NLGN1: variants seen among roughly 807,000 people sequenced by gnomAD.
The protein encoded by NLGN1 is neuroligin 1, also known as neuroligin-1.
NLGN1 carries 12 observed loss-of-function variants against 65.5 expected under a neutral mutation model. The observed-to-expected ratio is 0.18, with a 90% CI of 0.12 to 0.30. The LOEUF is 0.30. Among genes scored for constraint, NLGN1 ranks in the 10% least tolerant of loss-of-function variants. NLGN1 has a pLI of 1.00. For missense variants in NLGN1, 750 were observed against 1,007.1 expected (o/e 0.74, Z 3.46); for synonymous variants, 350 against 359.5 (o/e 0.97, Z 0.30).
At chr3:173,771,276 G>T (rs771922311) in intron 3 of NLGN1, among the ~76,000 whole-genome samples, 1 of 152,124 alleles carries the variant, frequency 6.6e-6, no homozygotes, top group Non-Finnish European at 1.5e-5. Context: ...TGCATAGTAG[G>T]TTCTTTCAAA....
rs146358048 is a variant in NLGN1 at position 174,001,338 on chromosome 3, G to GA, written c.646+193517dup. ...GAGTTAGAAACAGATTTTTTTCTTT[G>GA]AAAAAAAAAAATCAGAAAATTGGGA... On this transcript the variant is annotated intron_variant, in intron 4 of 6. Coordinates refer to ENST00000457714, the Ensembl canonical transcript of NLGN1. Among the ~76,000 whole-genome samples the GA allele has an allele frequency of 4.2e-3, 612 of 144,392 alleles. 4 individuals are homozygous for GA. The highest frequency in any genetic ancestry group is 9.7e-3 in the African/African-American group (385 of 39,500). 94.7% of individuals were successfully genotyped at this position (144,392 alleles called of 152,430 possible). A position where few individuals can be genotyped will look rare whatever the true frequency, so the allele number is the denominator to read the frequency against.
chr3:173,576,626 C>T (rs1745542042), intron 2 of NLGN1, among the ~76,000 whole-genome samples: 1 of 152,080 alleles, frequency 6.6e-6, no homozygotes, highest in Non-Finnish European at 1.5e-5. Context: ...GACCCCTGAA[C>T]CCTCTGCCTT....
intron 2 of NLGN1, among the ~76,000 whole-genome samples, chr3:173,561,021 T>C (rs1463517080): frequency 6.6e-6 from 1 of 152,180 alleles, no homozygotes; most frequent in African/African-American, 2.4e-5. Context: ...GCGGGGTTTG[T>C]ATTGTTTGTT....
chr3:174,080,005 A>T (rs1741816515), intron 4 of NLGN1, among the ~76,000 whole-genome samples: 1 of 152,168 alleles, frequency 6.6e-6, no homozygotes, highest in African/African-American at 2.4e-5. Flanking sequence ...TTATCTATGT[A>T]ACAAACCTGC....
intron 4 of NLGN1, among the ~76,000 whole-genome samples, chr3:174,114,691 G>A (rs1382582617): frequency 6.6e-6 from 1 of 151,840 alleles, no homozygotes; most frequent in African/African-American, 2.4e-5. Context: ...TTTATCTAAC[G>A]CTGCATAGTT....
intron 3 of NLGN1, among the ~76,000 whole-genome samples, chr3:173,658,521 A>C (rs1462878837): frequency 6.6e-6 from 1 of 152,022 alleles, no homozygotes; most frequent in Non-Finnish European, 1.5e-5. Flanking sequence ...CTGTAAAATT[A>C]ATTTGGAAAT....
At chr3:173,847,178 T>C (rs1461067385) in intron 4 of NLGN1, among the ~76,000 whole-genome samples, 2 of 152,170 alleles carry the variant, frequency 1.3e-5, no homozygotes, top group Non-Finnish European at 2.9e-5. Flanking sequence ...TGATGAACTT[T>C]CCAGACAGTT....
intron 2 of NLGN1, among the ~76,000 whole-genome samples, chr3:173,468,056 C>T (rs1429533940): frequency 1.3e-5 from 2 of 152,132 alleles, no homozygotes; most frequent in Non-Finnish European, 1.5e-5. Flanking sequence ...CAAACACATA[C>T]TATACTGGTT....
intron 4 of NLGN1, among the ~76,000 whole-genome samples, chr3:174,103,811 G>A (rs1713111513): frequency 6.6e-6 from 1 of 151,904 alleles, no homozygotes; most frequent in Admixed American, 6.6e-5. Context: ...TCTATAAATA[G>A]AGTCTAAACT....
At chr3:173,764,862 T>C (rs1778514748) in intron 3 of NLGN1, among the ~76,000 whole-genome samples, 1 of 152,172 alleles carries the variant, frequency 6.6e-6, no homozygotes, top group South Asian at 2.1e-4. Context: ...CTTATTACTT[T>C]GTCAGTGTAC....
chr3:173,539,641 T>TA (rs1553879350), intron 2 of NLGN1, among the ~76,000 whole-genome samples: 142 of 58,226 alleles, frequency 2.4e-3, no homozygotes, highest in African/African-American at 6.3e-3. Context: ...TACACATATA[T>TA]ACATATATAA....
intron 2 of NLGN1, among the ~76,000 whole-genome samples, chr3:173,520,762 G>C (rs976161711): frequency 2.0e-5 from 3 of 152,204 alleles, no homozygotes; most frequent in African/African-American, 7.2e-5. Flanking sequence ...AAACAGAAGA[G>C]ATGGTTTTAG....
intron 3 of NLGN1, among the ~76,000 whole-genome samples, chr3:173,752,436 C>T (rs142747587): frequency 1.3e-5 from 2 of 152,152 alleles, no homozygotes; most frequent in African/African-American, 4.8e-5. Flanking sequence ...TAACCACCAG[C>T]TGCTTTTTTC....
At chr3:173,666,794 A>G (rs912944955) in intron 3 of NLGN1, among the ~76,000 whole-genome samples, 6 of 152,210 alleles carry the variant, frequency 3.9e-5, no homozygotes, top group African/African-American at 1.4e-4. Flanking sequence ...TAGTTTTTTA[A>G]TGGCACTCAG....
intron 4 of NLGN1, chr3:174,202,829 C>A (rs1336410843): frequency 6.6e-6 from 1 of 152,188 alleles, no homozygotes; most frequent in Non-Finnish European, 1.5e-5. Flanking sequence ...GCACTCCCAT[C>A]TCACCCAAGG....
At chr3:174,134,920 G>A (rs956728263) in intron 4 of NLGN1, among the ~76,000 whole-genome samples, 3 of 152,096 alleles carry the variant, frequency 2.0e-5, no homozygotes, top group Non-Finnish European at 4.4e-5. Context: ...CCTTTCTACT[G>A]TATTCCTGGA....
At chr3:173,449,109 T>C (rs1392485497) in intron 2 of NLGN1, among the ~76,000 whole-genome samples, 7 of 152,182 alleles carry the variant, frequency 4.6e-5, no homozygotes, top group Non-Finnish European at 8.8e-5. Context: ...TGCTAGCTTT[T>C]GAATGTGTTT....
intron 4 of NLGN1, among the ~76,000 whole-genome samples, chr3:173,999,500 T>C (rs896984746): frequency 6.6e-6 from 1 of 152,140 alleles, no homozygotes; most frequent in African/African-American, 2.4e-5. Flanking sequence ...CAACCGTACA[T>C]CTTGTAATAA....
intron 1 of NLGN1, among the ~76,000 whole-genome samples, chr3:173,405,601 A>G (rs970056583): frequency 2.0e-5 from 3 of 152,132 alleles, no homozygotes; most frequent in Non-Finnish European, 4.4e-5. Flanking sequence ...AAACTATTGC[A>G]TAATTCTTAG....
Sources: gnomAD v4.1 joint callset for allele counts (sites outside exome capture counted in the v4.1 genomes callset) on GRCh38, gnomAD v4.1.1 for gene constraint, MANE v1.5 for transcripts, NCBI Gene and HGNC (gene_info 2026-07-23, HGNC 2026-07-21) for gene names.